PSD3: variants seen among roughly 807,000 people sequenced by gnomAD.
The protein encoded by PSD3 is PH and SEC7 domain-containing protein 3.
PSD3 carries 49 observed loss-of-function variants against 105.5 expected under a neutral mutation model. That is an observed-to-expected ratio of 0.46 (90% CI 0.37 to 0.59). The LOEUF (loss-of-function observed/expected upper bound fraction) is 0.59. Ranked by LOEUF, PSD3 falls within the 20% of genes least tolerant of loss-of-function variation. The probability of loss-of-function intolerance (pLI) is 0.00; values close to 1 mark genes in which losing one functional copy is unlikely to be tolerated. For missense variants in PSD3, 1,561 were observed against 1,263.8 expected (o/e 1.24, Z -3.57); for synonymous variants, 557 against 457.8 (o/e 1.22, Z -2.77).
At chr8:18,860,760 C>T (rs1816377696) in intron 4 of PSD3, among the ~76,000 whole-genome samples, 1 of 152,140 alleles carries the variant, frequency 6.6e-6, no homozygotes, top group Non-Finnish European at 1.5e-5. Flanking sequence ...ATATCACTTC[C>T]TTTAAAAGTT....
intron 11 of PSD3, among the ~76,000 whole-genome samples, chr8:18,621,399 C>T (rs1479117367): frequency 6.6e-6 from 1 of 152,168 alleles, no homozygotes; most frequent in Non-Finnish European, 1.5e-5. Flanking sequence ...CAGAGTGAGA[C>T]ACCGTCTCAG....
chr8:18,726,052 C>T (rs1373023345), intron 9 of PSD3, among the ~76,000 whole-genome samples: 1 of 152,202 alleles, frequency 6.6e-6, no homozygotes, highest in Non-Finnish European at 1.5e-5. Flanking sequence ...AGCCAAGACA[C>T]TAACCTCACA....
intron 9 of PSD3, among the ~76,000 whole-genome samples, chr8:18,742,550 G>A (rs1804658319): frequency 6.6e-6 from 1 of 152,158 alleles, no homozygotes; most frequent in Non-Finnish European, 1.5e-5. Context: ...TACCTACAGT[G>A]TATATAATCA....
At position 18,961,973 on chromosome 8, in the gene PSD3, T is replaced by C. The variant is rs78390310; in HGVS notation, c.22-25831A>G. 7.0e-3 allele frequency among the ~76,000 whole-genome samples: 1,060 copies of C among 152,184 alleles called. 10 individuals are homozygous for C. Among genetic ancestry groups the C allele is most frequent in the African/African-American group, 0.024 (1,011 of 41,518 alleles). On this transcript the variant is annotated intron_variant, in intron 1 of 15. Coordinates refer to ENST00000327040, the MANE Select transcript of PSD3 (RefSeq NM_015310.4). ...ATCGGCTTTCACTTTGCAAAAATTT[T>C]ATATTTAAAAATAATGAATCCCAGC...
chr8:18,899,185 A>G (rs576962933), intron 2 of PSD3, among the ~76,000 whole-genome samples: 1 of 152,184 alleles, frequency 6.6e-6, no homozygotes, highest in South Asian at 2.1e-4. Flanking sequence ...CATCTCCAGC[A>G]ATTCATCTTC....
intron 1 of PSD3, among the ~76,000 whole-genome samples, chr8:18,973,131 G>C (rs7844314): frequency 0.066 from 10,005 of 152,124 alleles, 801 homozygotes; most frequent in African/African-American, 0.19. Context: ...AAAATGCTTG[G>C]ACCATCTGGG....
At chr8:18,659,112 AG>A (rs1348174831) in intron 9 of PSD3, among the ~76,000 whole-genome samples, 12 of 152,100 alleles carry the variant, frequency 7.9e-5, no homozygotes, top group Admixed American at 5.2e-4. Context: ...CAAGGGGACT[AG>A]GGGGTTGTGG....
At chr8:18,690,741 C>A (rs146257471) in intron 9 of PSD3, among the ~76,000 whole-genome samples, 1 of 152,212 alleles carries the variant, frequency 6.6e-6, no homozygotes, top group African/African-American at 2.4e-5. Flanking sequence ...CCCACAGTGC[C>A]GGGCTACCTC....
intron 14 of PSD3, among the ~76,000 whole-genome samples, chr8:18,561,734 G>C (rs914765224): frequency 6.6e-6 from 1 of 151,922 alleles, no homozygotes; most frequent in African/African-American, 2.4e-5. Flanking sequence ...ATAGTACTTA[G>C]GTTTTGAGAA....
intron 1 of PSD3, among the ~76,000 whole-genome samples, chr8:18,936,708 A>G (rs1822159350): frequency 6.6e-6 from 1 of 151,924 alleles, no homozygotes; most frequent in Non-Finnish European, 1.5e-5. Context: ...CAGTGAGCCA[A>G]GATCGTGCCA....
intron 12 of PSD3, among the ~76,000 whole-genome samples, chr8:18,589,443 T>C (rs1803437245): frequency 1.3e-5 from 2 of 152,174 alleles, no homozygotes; most frequent in Admixed American, 6.5e-5. Context: ...AAAGAGATCA[T>C]GGTCTAAGGT....
chr8:18,724,449 C>A (rs138714142), intron 9 of PSD3, among the ~76,000 whole-genome samples: 3 of 151,644 alleles, frequency 2.0e-5, no homozygotes, highest in Admixed American at 2.0e-4. Flanking sequence ...CCCATCTCAA[C>A]AGAAAATAAA....
At chr8:18,921,350 G>C (rs1433326300) in intron 2 of PSD3, among the ~76,000 whole-genome samples, 1 of 152,162 alleles carries the variant, frequency 6.6e-6, no homozygotes, top group South Asian at 2.1e-4. Flanking sequence ...AATGGTTCTC[G>C]AGCCTGTATG....
intron 9 of PSD3, among the ~76,000 whole-genome samples, chr8:18,748,242 A>G (rs1805183350): frequency 6.6e-6 from 1 of 152,238 alleles, no homozygotes; most frequent in Non-Finnish European, 1.5e-5. Context: ...GGTTGGCAGA[A>G]AGTATTCTGT....
intron 1 of PSD3, among the ~76,000 whole-genome samples, chr8:18,997,593 C>T (rs912343433): frequency 6.6e-6 from 1 of 152,038 alleles, no homozygotes; most frequent in Admixed American, 6.6e-5. Flanking sequence ...TCTCTGCTCA[C>T]TCTCAGTCCA....
At chr8:18,716,306 A>C (rs956463194) in intron 9 of PSD3, among the ~76,000 whole-genome samples, 1 of 152,222 alleles carries the variant, frequency 6.6e-6, no homozygotes, top group African/African-American at 2.4e-5. Context: ...TCAAACCACA[A>C]CCAGAACCTG....
chr8:18,646,627 C>A (rs147015440), intron 10 of PSD3, among the ~76,000 whole-genome samples: 30 of 151,876 alleles, frequency 2.0e-4, no homozygotes, highest in African/African-American at 7.0e-4. Context: ...TGAAAGGCGA[C>A]AAATTATATT....
intron 3 of PSD3, among the ~76,000 whole-genome samples, chr8:18,869,377 T>C (rs1416250801): frequency 6.6e-6 from 1 of 151,952 alleles, no homozygotes; most frequent in African/African-American, 2.4e-5. Context: ...TTATTGGAGA[T>C]GGAGTTAGCC....
chr8:18,890,594 G>T lies in PSD3; in HGVS notation c.131-17861C>A, dbSNP rs1406823123. 2.0e-5 allele frequency among the ~76,000 whole-genome samples: 3 copies of T among 152,242 alleles called. No homozygotes were observed. In the East Asian group the frequency reaches 5.8e-4, roughly 29 times the overall value. ...AAAGGGTATACATACGACCCTCCCG[G>T]TAAGCTCGTTGGGAAACATACAGTA... On this transcript the variant is annotated intron_variant, in intron 2 of 15. Coordinates refer to ENST00000327040, the MANE Select transcript of PSD3 (RefSeq NM_015310.4).
Sources: gnomAD v4.1 joint callset for allele counts (sites outside exome capture counted in the v4.1 genomes callset) on GRCh38, gnomAD v4.1.1 for gene constraint, MANE v1.5 for transcripts, NCBI Gene and HGNC (gene_info 2026-07-23, HGNC 2026-07-21) for gene names.